GJB4: variants seen among roughly 807,000 people sequenced by gnomAD.
GJB4 encodes gap junction beta-4 protein.
For synonymous variants in GJB4, 162 were observed against 158.1 expected (o/e 1.02, Z -0.18); for missense variants, 371 against 363.8 (o/e 1.02, Z -0.16).
rs80358212 is a variant in GJB4 at position 34,761,319 on chromosome 1, G to T, written c.65G>T (p.Arg22Leu). The change falls in exon 2 of 2, where the codon CGC becomes CTC. Residue 22 changes from arginine (R) to leucine (L), a missense_variant. Physicochemically the swap from Arg to Leu is moderately radical, Grantham distance 102 (BLOSUM62 -2). Transcript: ENST00000339480. This position sits in a 1 kb window ranked among gnomAD's most constrained non-coding sequence, Gnocchi z 4.4. The part of the protein sequence containing the change: ...GVNKYSTVLS[R>L]IWLSVVFIFR... ...AACAAGTACTCCACAGTGCTGAGCC[G>T]CATCTGGCTGTCTGTGGTGTTCATC... 2 of 1,613,888 alleles carry T rather than the reference G, an allele frequency of 1.2e-6. No homozygotes were observed. Among genetic ancestry groups the T allele is most frequent in the African/African-American group, 2.7e-5 (2 of 74,904 alleles).
rs140110665 is a variant in GJB4 at position 34,761,584 on chromosome 1, G to A, written c.330G>A (p.Gly110=). Residue 110 remains glycine (G), a synonymous_variant, in exon 2 of 2, where the codon GGG becomes GGA. Coordinates refer to ENST00000339480, the MANE Select transcript of GJB4 (RefSeq NM_153212.3). The surrounding 1 kb of genome is among the most constrained non-coding windows in gnomAD (Gnocchi z 4.4). ...AGCGCAAGCACCACCTGAAACACGG[G>A]CCCAATGCCCCGTCCCTGTACGACA... The part of the protein sequence containing the change: ...ERERKHHLKH[G]PNAPSLYDNL... 73 of 1,614,098 alleles carry A rather than the reference G, an allele frequency of 4.5e-5. No individual in the cohort carries two copies. The highest frequency in any genetic ancestry group is 5.8e-5 in the Non-Finnish European group (68 of 1,180,048).
Position 34,761,628 on chromosome 1 carries a change from G to A in GJB4, c.374G>A (p.Gly125Asp), listed in dbSNP as rs1019540630. ...SLYDNLSKKR[G>D]GLWWTYLLSL... ...TACGACAACCTGAGCAAGAAGCGGG[G>A]CGGACTGTGGTGGACGTACTTGCTG... Residue 125 changes from glycine (G) to aspartate (D), a missense_variant, in exon 2 of 2, where the codon GGC (glycine) becomes GAC (aspartate). Physicochemically the swap from Gly to Asp is moderately conservative, Grantham distance 94. Transcript: ENST00000339480. The surrounding 1 kb of genome is among the most constrained non-coding windows in gnomAD (Gnocchi z 4.4). 3.7e-6 allele frequency: 6 copies of A among 1,614,120 alleles called. No individual in the cohort carries two copies. The highest frequency in any genetic ancestry group is 5.1e-6 in the Non-Finnish European group (6 of 1,180,056).
Position 34,759,748 on chromosome 1 carries a change from C to T in GJB4, c.-363C>T, listed in dbSNP as rs1639673904. ...TCCGGGAGGTCCTGAGGCAAACAGA[C>T]AAGCCCAAGGACAAGGAAGCAGCTA... On this transcript the variant is annotated 5_prime_UTR_variant, in exon 1 of 2. Coordinates refer to ENST00000339480, the MANE Select transcript of GJB4 (RefSeq NM_153212.3). The T allele has an allele frequency of 1.3e-5, 2 of 152,534 alleles. No homozygotes were observed. The allele number at this position is 152,534 out of a possible 1,614,324, so 9.4% of individuals were successfully genotyped here. A position where few individuals can be genotyped will look rare whatever the true frequency, so the allele number is the denominator to read the frequency against.
intron 1 of GJB4, among the ~76,000 whole-genome samples, chr1:34,760,161 G>A (rs777793873): frequency 1.3e-5 from 2 of 152,108 alleles, no homozygotes; most frequent in Admixed American, 1.3e-4. Context: ...GGGTACAGGC[G>A]ATGCCTCTTG....
rs983331749 is a variant in GJB4 at position 34,761,169 on chromosome 1, C to T, written c.-86C>T. Reference sequence around the variant, plus strand: ...TAAGGGTGCCCATCTCCAGGTTCCCCCAGGCCTCAAGGCTCCCAAGGCCTG... The same window carrying T: ...TAAGGGTGCCCATCTCCAGGTTCCCTCAGGCCTCAAGGCTCCCAAGGCCTG... On this transcript the variant is annotated 5_prime_UTR_variant, in exon 2 of 2. Coordinates refer to ENST00000339480, the MANE Select transcript of GJB4 (RefSeq NM_153212.3). This position sits in a 1 kb window ranked among gnomAD's most constrained non-coding sequence, Gnocchi z 4.4. 5.1e-6 allele frequency: 7 copies of T among 1,366,300 alleles called. No homozygotes were observed. The highest frequency in any genetic ancestry group is 1.4e-5 in the African/African-American group (1 of 70,000). 84.6% of individuals were successfully genotyped at this position (1,366,300 alleles called of 1,614,324 possible). A position where few individuals can be genotyped will look rare whatever the true frequency, so the allele number is the denominator to read the frequency against.
chr1:34,761,574 T>G lies in GJB4; in HGVS notation c.320T>G (p.Leu107Arg), dbSNP rs1300616901. The G allele has an allele frequency of 1.8e-5, 29 of 1,614,094 alleles. No individual in the cohort carries two copies. Among genetic ancestry groups the G allele is most frequent in the Non-Finnish European group, 1.4e-5 (17 of 1,180,050 alleles). ...GAGGAACGCGAGCGCAAGCACCACC[T>G]GAAACACGGGCCCAATGCCCCGTCC... is the stretch of plus-strand genomic sequence containing the variant. ...YREERERKHH[L>R]KHGPNAPSLY... Residue 107 changes from leucine (L) to arginine (R), a missense_variant, in exon 2 of 2, where the codon CTG becomes CGG. Coordinates refer to ENST00000339480, the MANE Select transcript of GJB4 (RefSeq NM_153212.3). This position sits in a 1 kb window ranked among gnomAD's most constrained non-coding sequence, Gnocchi z 4.4.
Position 34,761,761 on chromosome 1 carries a change from C to CT in GJB4, c.507_508insT (p.Pro170SerfsTer35), listed in dbSNP as rs755856129. On this transcript the variant is annotated frameshift_variant, in exon 2 of 2. Coordinates refer to ENST00000339480, the MANE Select transcript of GJB4 (RefSeq NM_153212.3). LOFTEE classifies it low-confidence loss of function (END_TRUNC). The surrounding 1 kb of genome is among the most constrained non-coding windows in gnomAD (Gnocchi z 4.4). The stretch of plus-strand genomic sequence containing the variant: ...TGGTGGCCTGCTCCGTGGAGCCTTG[C>CT]CCCCACACTGTGGACTGTTACATCT... 20 of 1,613,968 alleles carry CT rather than the reference C, an allele frequency of 1.2e-5. No individual in the cohort carries two copies. The highest frequency in any genetic ancestry group is 1.6e-5 in the Non-Finnish European group (19 of 1,180,034).
At position 34,762,102 on chromosome 1, in the gene GJB4, C is replaced by T. The variant is rs749213359; in HGVS notation, c.*47C>T. ...ATCAACAGGTCCCCCCCACATGAGG[C>T]CACCCAGGAAAAAAGGCAGGGGCAG... On this transcript the variant is annotated 3_prime_UTR_variant, in exon 2 of 2. Coordinates refer to ENST00000339480, the MANE Select transcript of GJB4 (RefSeq NM_153212.3). 3 of 1,535,196 alleles carry T rather than the reference C, an allele frequency of 2.0e-6. No homozygotes were observed. Among genetic ancestry groups the T allele is most frequent in the East Asian group, 4.8e-5 (2 of 41,722 alleles).
Position 34,762,163 on chromosome 1 carries a change from G to A in GJB4, c.*108G>A, listed in dbSNP as rs1156507705. 6.1e-6 allele frequency: 7 copies of A among 1,145,202 alleles called. No homozygotes were observed. The African/African-American group carries it at 6.2e-5, about 10-fold the overall frequency. 70.9% of individuals were successfully genotyped at this position (1,145,202 alleles called of 1,614,324 possible). A position where few individuals can be genotyped will look rare whatever the true frequency, so the allele number is the denominator to read the frequency against. Reference sequence around the variant, plus strand: ...GCCGTAGCAGGGTGGTGAGGAGGGTGGCTGTGGGGGCTCAGGAAGCTCGCC... The same window carrying A: ...GCCGTAGCAGGGTGGTGAGGAGGGTAGCTGTGGGGGCTCAGGAAGCTCGCC... On this transcript the variant is annotated 3_prime_UTR_variant, in exon 2 of 2. Coordinates refer to ENST00000339480, the MANE Select transcript of GJB4 (RefSeq NM_153212.3).
chr1:34,761,602 G>T lies in GJB4; in HGVS notation c.348G>T (p.Leu116=), dbSNP rs1254372019. The T allele has an allele frequency of 6.2e-7, 1 of 1,614,232 alleles. No homozygotes were observed. The highest frequency in any genetic ancestry group is 8.5e-7 in the Non-Finnish European group (1 of 1,180,034). The stretch of plus-strand genomic sequence containing the variant: ...AACACGGGCCCAATGCCCCGTCCCT[G>T]TACGACAACCTGAGCAAGAAGCGGG... ...HLKHGPNAPS[L]YDNLSKKRGG... is the part of the protein sequence containing the mutation. Residue 116 remains leucine (L), a synonymous_variant, in exon 2 of 2, where the codon CTG becomes CTT. Transcript: ENST00000339480. The surrounding 1 kb of genome is among the most constrained non-coding windows in gnomAD (Gnocchi z 4.4).
chr1:34,761,210 C>CCTT lies in GJB4; in HGVS notation c.-44_-43insTTC. On this transcript the variant is annotated 5_prime_UTR_variant, in exon 2 of 2. Transcript: ENST00000339480. The surrounding 1 kb of genome is among the most constrained non-coding windows in gnomAD (Gnocchi z 4.4). ...CCAAGGCCTGAGTGGGCAGGTAGCA[C>CCTT]CCAGGTATAGACCTTCCACGTGCAG... 1 of 1,605,914 alleles carries CCTT rather than the reference C, an allele frequency of 6.2e-7. No individual in the cohort carries two copies. Among genetic ancestry groups the CCTT allele is most frequent in the Admixed American group, 1.7e-5 (1 of 59,646 alleles).
Position 34,759,746 on chromosome 1 carries a change from G to A in GJB4, c.-365G>A, listed in dbSNP as rs1639673867. 1 of 152,514 alleles carries A rather than the reference G, an allele frequency of 6.6e-6. No homozygotes were observed. The highest frequency in any genetic ancestry group is 2.4e-5 in the African/African-American group (1 of 41,476). The allele number at this position is 152,514 out of a possible 1,614,324, so 9.4% of individuals were successfully genotyped here. On this transcript the variant is annotated 5_prime_UTR_variant, in exon 1 of 2. Coordinates refer to ENST00000339480, the MANE Select transcript of GJB4 (RefSeq NM_153212.3). ...CCTCCGGGAGGTCCTGAGGCAAACAGACAAGCCCAAGGACAAGGAAGCAGC... is the reference window on the plus strand; with the variant it reads ...CCTCCGGGAGGTCCTGAGGCAAACAAACAAGCCCAAGGACAAGGAAGCAGC...
Position 34,761,397 on chromosome 1 carries a change from A to C in GJB4, c.143A>C (p.Gln48Pro). ...GCGGAGGAGGTGTGGGACGATGAGC[A>C]GAAGGACTTTGTCTGCAACACCAAG... ...VAAEEVWDDE[Q>P]KDFVCNTKQP... Residue 48 changes from glutamine to proline, a missense_variant, in exon 2 of 2, where the codon CAG becomes CCG. By Grantham distance (76) the Gln-to-Pro change is moderately conservative (BLOSUM62 -1). Coordinates refer to ENST00000339480, the MANE Select transcript of GJB4 (RefSeq NM_153212.3). This position sits in a 1 kb window ranked among gnomAD's most constrained non-coding sequence, Gnocchi z 4.4. 1 of 1,613,480 alleles carries C rather than the reference A, an allele frequency of 6.2e-7. No individual in the cohort carries two copies. The highest frequency in any genetic ancestry group is 1.1e-5 in the South Asian group (1 of 91,080).
rs373126632 is a variant in GJB4, at chr1:34,761,624, C to T, written c.370C>T (p.Arg124Trp). 4.6e-5 allele frequency: 75 copies of T among 1,614,224 alleles called. No individual in the cohort carries two copies. Among genetic ancestry groups the T allele is most frequent in the East Asian group, 3.6e-4 (16 of 44,884 alleles). ...CCTGTACGACAACCTGAGCAAGAAG[C>T]GGGGCGGACTGTGGTGGACGTACTT... ...PSLYDNLSKK[R>W]GGLWWTYLLS... The change falls in exon 2 of 2, where the codon CGG becomes TGG. Residue 124 changes from arginine (R) to tryptophan (W), a missense_variant. Physicochemically the swap from Arg to Trp is moderately radical, Grantham distance 101 (BLOSUM62 -3). Transcript: ENST00000339480. The surrounding 1 kb of genome is among the most constrained non-coding windows in gnomAD (Gnocchi z 4.4).
At chr1:34,760,591 G>T (rs562100760) in intron 1 of GJB4, among the ~76,000 whole-genome samples, 2 of 152,308 alleles carry the variant, frequency 1.3e-5, no homozygotes, top group South Asian at 4.1e-4. Context: ...TGTTTAGTTT[G>T]GGAGGGAATG....
In GJB4 at chr1:34,762,141, G is replaced by T; in HGVS notation, c.*86G>T. On this transcript the variant is annotated 3_prime_UTR_variant, in exon 2 of 2. Transcript: ENST00000339480. Reference sequence around the variant, plus strand: ...AGGCAGGGGCAGTGGCATCCTTGCCGTAGCAGGGTGGTGAGGAGGGTGGCT... The same window carrying T: ...AGGCAGGGGCAGTGGCATCCTTGCCTTAGCAGGGTGGTGAGGAGGGTGGCT... The T allele has an allele frequency of 7.5e-7, 1 of 1,329,912 alleles. No homozygotes were observed. Among genetic ancestry groups the T allele is most frequent in the Non-Finnish European group, 1.1e-6 (1 of 946,628 alleles). The allele number at this position is 1,329,912 out of a possible 1,614,324, so 82.4% of individuals were successfully genotyped here. A position where few individuals can be genotyped will look rare whatever the true frequency, so the allele number is the denominator to read the frequency against.
chr1:34,760,831 T>C, intron 1 of GJB4, 102 bp from the exon 2 acceptor site: 1 of 283,548 alleles, frequency 3.5e-6, no homozygotes, highest in Non-Finnish European at 6.9e-6. Flanking sequence ...CAAGCCTTCC[T>C]ACGGTCTCTT....
At position 34,761,829 on chromosome 1, in the gene GJB4, C is replaced by T. The variant is rs549139696; in HGVS notation, c.575C>T (p.Thr192Ile). The change falls in exon 2 of 2, where the codon ACC (threonine) becomes ATC (isoleucine). Residue 192 changes from threonine (T) to isoleucine (I), a missense_variant. Thr to Ile is a moderately conservative substitution (Grantham distance 89). Transcript: ENST00000339480. This position sits in a 1 kb window ranked among gnomAD's most constrained non-coding sequence, Gnocchi z 4.4. ...AAGGTCTTCACCTACTTCATGGTGA[C>T]CACAGCTGCCATCTGCATCCTGCTC... ...EKKVFTYFMVTTAAICILLNL... is the reference protein window; with the variant it reads ...EKKVFTYFMVITAAICILLNL... The T allele has an allele frequency of 8.1e-6, 13 of 1,614,050 alleles. No individual in the cohort carries two copies. Among genetic ancestry groups the T allele is most frequent in the South Asian group, 6.6e-5 (6 of 91,094 alleles).
intron 1 of GJB4, among the ~76,000 whole-genome samples, 174 bp from the exon 2 acceptor site, chr1:34,760,759 G>A (rs1002285981): frequency 7.2e-5 from 11 of 152,146 alleles, no homozygotes; most frequent in African/African-American, 2.2e-4. Flanking sequence ...ATAAGGATAC[G>A]TTCCCACCCC....
Sources: allele counts gnomAD v4.1 joint callset (sites outside exome capture counted in the v4.1 genomes callset), GRCh38; gene constraint gnomAD v4.1.1; non-coding constraint Gnocchi (gnomAD v3.1); transcripts MANE v1.5; gene names NCBI Gene and HGNC (gene_info 2026-07-23, HGNC 2026-07-21).